Variants in SCOC observed in about 807,000 individuals in gnomAD.
SCOC encodes short coiled coil protein.
SCOC carries 7 observed loss-of-function variants against 9.9 expected under a neutral mutation model. The ratio of observed to expected loss-of-function variants is 0.71; its 90% CI spans 0.40 to 1.33. The LOEUF (loss-of-function observed/expected upper bound fraction) is 1.33. SCOC is among the 40% of genes most tolerant of loss of function. SCOC has a pLI of 0.01. For synonymous variants in SCOC, 19 were observed against 28.2 expected (o/e 0.67, Z 1.03); for missense variants, 66 against 89.7 (o/e 0.74, Z 1.07).
chr4:140,263,237 A>G lies in SCOC; in HGVS notation c.-19+5827A>G, dbSNP rs191630130. On this transcript the variant is annotated intron_variant, in intron 1 of 4. Transcript: ENST00000394205. ...CAAATTTTCAAAGACCTTGTGACTT[A>G]TGTTTACTTGCTTGGCAATGATGTT... Among the ~76,000 whole-genome samples the G allele has an allele frequency of 9.2e-5, 14 of 152,290 alleles. No homozygotes were observed. In the South Asian group the frequency reaches 1.5e-3, roughly 16 times the overall value.
chr4:140,293,294 T>G, intron 1 of SCOC: 1 of 456,556 alleles, frequency 2.2e-6, no homozygotes, highest in South Asian at 1.5e-5. Flanking sequence ...TCAGGGAGGG[T>G]CTGAGTAACC....
chr4:140,330,108 A>C (rs1732768865), intron 1 of SCOC, among the ~76,000 whole-genome samples: 4 of 152,206 alleles, frequency 2.6e-5, no homozygotes, highest in Admixed American at 2.6e-4. Flanking sequence ...GTATATATAT[A>C]CCATTTACTC....
upstream of SCOC, chr4:140,373,181 C>G (rs903047697): frequency 3.1e-5 from 21 of 679,876 alleles, no homozygotes; most frequent in African/African-American, 5.8e-5. Flanking sequence ...TAAGGAACGA[C>G]GGTGTCGCGT....
chr4:140,353,171 G>C (rs1727050687), intron 2 of SCOC, among the ~76,000 whole-genome samples: 1 of 152,122 alleles, frequency 6.6e-6, no homozygotes, highest in South Asian at 2.1e-4. Context: ...AAGATAGTCT[G>C]GGTACAGAGA....
chr4:140,353,668 G>A (rs961617601), intron 2 of SCOC, among the ~76,000 whole-genome samples: 3 of 152,120 alleles, frequency 2.0e-5, no homozygotes, highest in South Asian at 2.1e-4. Context: ...AAAGTGCTGC[G>A]ATTACAGGCG....
intron 1 of SCOC, among the ~76,000 whole-genome samples, chr4:140,324,389 C>T (rs1220300617): frequency 6.6e-6 from 1 of 152,026 alleles, no homozygotes; most frequent in Admixed American, 6.6e-5. Context: ...AAATAGCATA[C>T]AGCTTTGAAA....
intron 1 of SCOC, among the ~76,000 whole-genome samples, chr4:140,308,467 C>T (rs138332130): frequency 5.9e-5 from 9 of 152,232 alleles, no homozygotes; most frequent in African/African-American, 2.2e-4. Flanking sequence ...GGATGACCTC[C>T]GTGAATGCTC....
At chr4:140,320,450 C>T (rs1732469049) in intron 1 of SCOC, among the ~76,000 whole-genome samples, 1 of 152,154 alleles carries the variant, frequency 6.6e-6, no homozygotes, top group Admixed American at 6.6e-5. Context: ...ACTGTATGGA[C>T]TTGCCCTAAA....
In SCOC at chr4:140,282,087, A is replaced by G. The variant is rs1178729146; in HGVS notation, c.-19+24677A>G. Among the ~76,000 whole-genome samples, 4 of 152,184 alleles carry G rather than the reference A, an allele frequency of 2.6e-5. No homozygotes were observed. In the East Asian group the frequency reaches 7.7e-4, roughly 29 times the overall value. On this transcript the variant is annotated intron_variant, in intron 1 of 4. Coordinates refer to the SCOC transcript ENST00000394205. ...TTGGAGGGATTTTCCATGATTCTGT[A>G]AATCCTTGAGTAATATTGAAGCTCT...
At position 140,382,573 on chromosome 4, in the gene SCOC, G is replaced by A. The variant is rs1728608643; in HGVS notation, c.*1469G>A. ...CAGAGGTTGTGTGTGTTTTGATATA[G>A]TTGCCTAAGTAAATGGGGTATTTAG... On this transcript the variant is annotated 3_prime_UTR_variant, in exon 4 of 4. Transcript: ENST00000608372. 1 of 152,584 alleles carries A rather than the reference G, an allele frequency of 6.6e-6. No homozygotes were observed. The highest frequency in any genetic ancestry group is 1.5e-5 in the Non-Finnish European group (1 of 68,016). 9.5% of individuals were successfully genotyped at this position (152,584 alleles called of 1,614,324 possible).
chr4:140,361,162 C>A (rs1366627307), intron 2 of SCOC, among the ~76,000 whole-genome samples: 2 of 151,780 alleles, frequency 1.3e-5, no homozygotes, highest in African/African-American at 4.8e-5. Flanking sequence ...ATCTTGCTGA[C>A]AGACCTGTAG....
chr4:140,280,077 T>C (rs957800247), intron 1 of SCOC, among the ~76,000 whole-genome samples: 2 of 152,194 alleles, frequency 1.3e-5, no homozygotes, highest in Middle Eastern at 3.2e-3. Flanking sequence ...AGCTGAATCA[T>C]ATGGCTACAG....
chr4:140,315,011 C>T (rs1732272881), intron 1 of SCOC, among the ~76,000 whole-genome samples: 1 of 152,206 alleles, frequency 6.6e-6, no homozygotes. Flanking sequence ...CATTGGGTCA[C>T]AGTTTCTATC....
chr4:140,262,660 G>T (rs920513551), intron 1 of SCOC, among the ~76,000 whole-genome samples: 8 of 152,122 alleles, frequency 5.3e-5, no homozygotes, highest in Non-Finnish European at 8.8e-5. Context: ...CTGCTATAAA[G>T]AACTACCTGA....
At chr4:140,287,537 TAC>T (rs1048602008) in intron 1 of SCOC, among the ~76,000 whole-genome samples, 2 of 149,510 alleles carry the variant, frequency 1.3e-5, no homozygotes, top group Non-Finnish European at 3.0e-5. Context: ...GTACACACAC[TAC>T]ACACACATCA....
intron 2 of SCOC, among the ~76,000 whole-genome samples, chr4:140,364,514 A>C (rs987648770): frequency 1.3e-5 from 2 of 152,186 alleles, no homozygotes; most frequent in Non-Finnish European, 2.9e-5. Context: ...AAGGAAGAGA[A>C]GTGAGCACCA....
intron 2 of SCOC, among the ~76,000 whole-genome samples, chr4:140,365,246 C>T (rs1208073917): frequency 6.7e-6 from 1 of 149,782 alleles, no homozygotes; most frequent in African/African-American, 2.5e-5. Context: ...CTAACAGATA[C>T]CACAGCAGAG....
chr4:140,284,163 A>G (rs1430296861), intron 1 of SCOC: 1 of 152,122 alleles, frequency 6.6e-6, no homozygotes, highest in African/African-American at 2.4e-5. Flanking sequence ...CAATTTTCCT[A>G]AATGTCAACT....
rs200328713 is a variant in SCOC, at chr4:140,362,283, T to TCTC, written c.71-16836_71-16835insCCT. 8.2e-3 allele frequency among the ~76,000 whole-genome samples: 142 copies of TCTC among 17,300 alleles called. 18 individuals carry two copies. The highest frequency in any genetic ancestry group is 0.015 in the Middle Eastern group (1 of 68). 11.3% of individuals were successfully genotyped at this position (17,300 alleles called of 152,430 possible). On this transcript the variant is annotated intron_variant, in intron 2 of 4. Transcript: ENST00000338517. ...TAAAGACAGGTGTGTCCTTACTTCT[T>TCTC]CTTCTTCTTCTTCTTCTTTTTTTTT...
Sources: allele counts gnomAD v4.1 joint callset (sites outside exome capture counted in the v4.1 genomes callset), GRCh38; gene constraint gnomAD v4.1.1; transcripts MANE v1.5; gene names NCBI Gene and HGNC (gene_info 2026-07-23, HGNC 2026-07-21).